Variants in SOX5 observed in about 807,000 individuals in gnomAD.
SOX5 encodes transcription factor SOX-5.
A neutral mutation model predicts 92.0 loss-of-function variants in SOX5; 9 were observed. The observed-to-expected ratio is 0.10, with a 90% CI of 0.06 to 0.17. The LOEUF (loss-of-function observed/expected upper bound fraction) is 0.17, where lower values mean the gene tolerates loss of function less well. SOX5 is among the 10% of genes least tolerant of loss of function. The pLI is 1.00. For missense variants in SOX5, 642 were observed against 944.5 expected (o/e 0.68, Z 4.20); for synonymous variants, 344 against 336.3 (o/e 1.02, Z -0.25).
At chr12:24,029,938 G>A (rs902937491) in intron 4 of SOX5, among the ~76,000 whole-genome samples, 1 of 151,954 alleles carries the variant, frequency 6.6e-6, no homozygotes, top group South Asian at 2.1e-4. Flanking sequence ...CACTTCATAT[G>A]TGCCAGGCTC....
At chr12:23,771,426 G>A (rs1023217919) in intron 3 of SOX5, among the ~76,000 whole-genome samples, 2 of 152,144 alleles carry the variant, frequency 1.3e-5, no homozygotes, top group Non-Finnish European at 2.9e-5. Flanking sequence ...GTTAGGCCCC[G>A]GCCGAGTACA....
At chr12:23,670,695 G>T (rs891874694) in intron 6 of SOX5, among the ~76,000 whole-genome samples, 1 of 151,890 alleles carries the variant, frequency 6.6e-6, no homozygotes, top group Non-Finnish European at 1.5e-5. Context: ...TTTTCTCAAT[G>T]ATAAGGCAAG....
Position 23,575,689 on chromosome 12 carries a change from A to G in SOX5, c.1314T>C (p.Ala438=). 1 of 1,614,208 alleles carries G rather than the reference A, an allele frequency of 6.2e-7. No individual in the cohort carries two copies. The highest frequency in any genetic ancestry group is 8.5e-7 in the Non-Finnish European group (1 of 1,180,022). ...PLKASVPAAL[A]SPSARVSTIG... ...TTGTGCTAACTCTGGCTGAAGGACTAGCTAACGCTGCTGGGACAGAGGCTT... is the reference window on the plus strand; with the variant it reads ...TTGTGCTAACTCTGGCTGAAGGACTGGCTAACGCTGCTGGGACAGAGGCTT... The change falls in exon 10 of 15, where the codon GCT becomes GCC. Residue 438 remains alanine (A), a synonymous_variant. Coordinates refer to ENST00000451604, the MANE Select transcript of SOX5 (RefSeq NM_006940.6).
At chr12:24,170,607 G>A (rs1953974568) in intron 4 of SOX5, among the ~76,000 whole-genome samples, 1 of 152,120 alleles carries the variant, frequency 6.6e-6, no homozygotes, top group African/African-American at 2.4e-5. Flanking sequence ...TTGAATTTGA[G>A]TGATAAAACT....
intron 7 of SOX5, among the ~76,000 whole-genome samples, chr12:23,654,278 A>AT (rs1446811161): frequency 6.6e-6 from 1 of 152,104 alleles, no homozygotes; most frequent in East Asian, 1.9e-4. Context: ...ATTCTTTTAT[A>AT]ATATTCCATA....
intron 2 of SOX5, among the ~76,000 whole-genome samples, chr12:24,344,372 T>C (rs1360218088): frequency 2.0e-5 from 3 of 150,274 alleles, no homozygotes; most frequent in Non-Finnish European, 4.4e-5. Flanking sequence ...TTCCATGGAG[T>C]GCTCTCATTG....
At chr12:24,562,100 C>A (rs1954421542) in intron 1 of SOX5, among the ~76,000 whole-genome samples, 3 of 152,178 alleles carry the variant, frequency 2.0e-5, no homozygotes, top group Admixed American at 2.0e-4. Context: ...GGCCACTCCG[C>A]GCCTCGGGCC....
chr12:24,122,114 G>A (rs772792244), intron 4 of SOX5, among the ~76,000 whole-genome samples: 14 of 152,010 alleles, frequency 9.2e-5, no homozygotes, highest in Admixed American at 2.0e-4. Flanking sequence ...TCCACTCAAC[G>A]GGAGCAAAAA....
At chr12:24,330,814 C>T (rs2140981530) in intron 2 of SOX5, among the ~76,000 whole-genome samples, 1 of 152,296 alleles carries the variant, frequency 6.6e-6, no homozygotes, top group South Asian at 2.1e-4. Context: ...CTCTGAAATT[C>T]CACTGAGATG....
At chr12:24,384,344 G>A (rs536997797) in intron 1 of SOX5, among the ~76,000 whole-genome samples, 9 of 152,238 alleles carry the variant, frequency 5.9e-5, no homozygotes, top group South Asian at 2.1e-4. Flanking sequence ...CCTGCTGCTC[G>A]CCTCCTGTTG....
chr12:23,570,128 G>A (rs957378304), intron 10 of SOX5, among the ~76,000 whole-genome samples: 10 of 151,974 alleles, frequency 6.6e-5, no homozygotes, highest in African/African-American at 1.9e-4. Context: ...TATTTACTAC[G>A]TATTTATTTT....
intron 1 of SOX5, among the ~76,000 whole-genome samples, chr12:24,553,364 G>A (rs1953406531): frequency 6.6e-6 from 1 of 152,182 alleles, no homozygotes; most frequent in African/African-American, 2.4e-5. Flanking sequence ...GGTTAAATGA[G>A]ATTATCCATG....
intron 6 of SOX5, among the ~76,000 whole-genome samples, chr12:23,668,120 A>T (rs967338379): frequency 2.0e-5 from 3 of 152,208 alleles, no homozygotes; most frequent in African/African-American, 7.2e-5. Flanking sequence ...CTGTGGTGTG[A>T]CTTACGCAGA....
intron 9 of SOX5, among the ~76,000 whole-genome samples, chr12:23,600,522 C>CATATATATATATACATAT (rs2074312070): frequency 2.5e-5 from 1 of 39,802 alleles, no homozygotes; most frequent in Non-Finnish European, 5.3e-5. Flanking sequence ...GGGGGGGGTG[C>CATATATATATATACATAT]ATATATATAT....
intron 10 of SOX5, among the ~76,000 whole-genome samples, chr12:23,573,322 G>A (rs998179185): frequency 6.6e-6 from 1 of 152,112 alleles, no homozygotes. Flanking sequence ...CTTCCGCTCT[G>A]TATAACTGGA....
chr12:23,961,448 T>C (rs981544330), intron 4 of SOX5, among the ~76,000 whole-genome samples: 1 of 152,198 alleles, frequency 6.6e-6, no homozygotes, highest in Non-Finnish European at 1.5e-5. Context: ...CAAACTGGTA[T>C]AGTTGCTGGC....
chr12:24,522,239 A>G (rs536468922), intron 1 of SOX5, among the ~76,000 whole-genome samples: 3 of 152,148 alleles, frequency 2.0e-5, no homozygotes, highest in Non-Finnish European at 4.4e-5. Flanking sequence ...AGAAAGTCTG[A>G]ACAGATTTAT....
intron 4 of SOX5, among the ~76,000 whole-genome samples, chr12:24,037,971 A>G (rs1056994533): frequency 2.8e-4 from 42 of 152,150 alleles, no homozygotes; most frequent in African/African-American, 9.7e-4. Flanking sequence ...TGCATGAATC[A>G]TGCATGTAAA....
In SOX5 at chr12:24,301,958, T is replaced by C. The variant is rs150731002; in HGVS notation, c.-173-24646A>G. On this transcript the variant is annotated intron_variant, in intron 2 of 4. Coordinates refer to the SOX5 transcript ENST00000446891. ...GTATTTTTTTGCTACAAAGTATATA[T>C]ATATATAATTATTTATGTTCACATA... is the stretch of plus-strand genomic sequence containing the variant. Among the ~76,000 whole-genome samples, 1,076 of 152,228 alleles carry C rather than the reference T, an allele frequency of 7.1e-3. 13 individuals are homozygous for C. The highest frequency in any genetic ancestry group is 0.031 in the South Asian group (152 of 4,826).
Sources: allele counts gnomAD v4.1 joint callset (sites outside exome capture counted in the v4.1 genomes callset), GRCh38; gene constraint gnomAD v4.1.1; transcripts MANE v1.5; gene names NCBI Gene and HGNC (gene_info 2026-07-23, HGNC 2026-07-21).